The following ELAVL1 variants were observed in gnomAD, a reference collection of about 807,000 sequenced individuals.
ELAVL1 encodes the protein ELAV-like protein 1.
Under a neutral mutation model 28.4 loss-of-function variants are expected in ELAVL1, and 1 was observed. The observed-to-expected ratio is 0.04, with a 90% CI of 0.01 to 0.17. ELAVL1 has a LOEUF of 0.17. ELAVL1 is among the 10% of genes least tolerant of loss of function. The pLI, the probability that ELAVL1 is intolerant of heterozygous loss-of-function variation, is 1.00. For missense variants in ELAVL1, 157 were observed against 447.2 expected (o/e 0.35, Z 5.85); for synonymous variants, 174 against 183.5 (o/e 0.95, Z 0.42).
At chr19:8,002,163 C>G in intron 1 of ELAVL1, 1 of 1,273,342 alleles carries the variant, frequency 7.9e-7, no homozygotes, top group Non-Finnish European at 1.0e-6. Flanking sequence ...TTTGAACACA[C>G]GATGTTCTCT....
At chr19:7,994,065 T>G (rs1450298349) in intron 1 of ELAVL1, among the ~76,000 whole-genome samples, 1 of 151,950 alleles carries the variant, frequency 6.6e-6, no homozygotes, top group Non-Finnish European at 1.5e-5. Context: ...TAGGTTAGCA[T>G]CAAAAGCCAT....
At chr19:7,989,476 AGG>A (rs1272304327) in intron 2 of ELAVL1, among the ~76,000 whole-genome samples, 330 of 152,352 alleles carry the variant, frequency 2.2e-3, no homozygotes, top group Non-Finnish European at 4.0e-3. Context: ...AGCCAAATCT[AGG>A]TGTTCCTTTA....
At position 8,005,616 on chromosome 19, in the gene ELAVL1, G is replaced by A. The variant is rs1001509498; in HGVS notation, c.-138C>T. On this transcript the variant is annotated 5_prime_UTR_variant, in exon 1 of 6. Coordinates refer to ENST00000407627, the MANE Select transcript of ELAVL1 (RefSeq NM_001419.3). ...CGGCGGTGGCGGCGACGGCGACGGCGGCAGCGGCTCCTCCTCAGCGCGCAC... is the reference window on the plus strand; with the variant it reads ...CGGCGGTGGCGGCGACGGCGACGGCAGCAGCGGCTCCTCCTCAGCGCGCAC... 6 of 149,450 alleles carry A rather than the reference G, an allele frequency of 4.0e-5. No individual in the cohort carries two copies. Among genetic ancestry groups the A allele is most frequent in the South Asian group, 1.8e-4 (1 of 5,644 alleles). The allele number at this position is 149,450 out of a possible 1,614,324, so 9.3% of individuals were successfully genotyped here.
At chr19:7,983,667 G>A (rs1169898229) in intron 2 of ELAVL1, among the ~76,000 whole-genome samples, 1 of 152,170 alleles carries the variant, frequency 6.6e-6, no homozygotes, top group Admixed American at 6.5e-5. Flanking sequence ...TGGCTGCGGC[G>A]CCTCAGGCAG....
chr19:7,971,768 G>A (rs567566577), intron 4 of ELAVL1, among the ~76,000 whole-genome samples: 61 of 152,322 alleles, frequency 4.0e-4, no homozygotes, highest in African/African-American at 1.4e-3. Context: ...TCCCCTCCTC[G>A]GGCCCCAGCG....
At chr19:7,974,106 T>C (rs1425684600) in intron 3 of ELAVL1, among the ~76,000 whole-genome samples, 2 of 152,200 alleles carry the variant, frequency 1.3e-5, no homozygotes, top group Non-Finnish European at 2.9e-5. Flanking sequence ...GTGCTCACCA[T>C]CCTCAAGGAG....
chr19:7,980,801 G>C (rs1276579306), intron 3 of ELAVL1, among the ~76,000 whole-genome samples: 1 of 152,174 alleles, frequency 6.6e-6, no homozygotes, highest in African/African-American at 2.4e-5. Context: ...GCTGGGGGTG[G>C]ATGGAGCTGT....
rs1007905547 is a variant in ELAVL1 at position 7,968,106 on chromosome 19, C to T, written c.431-316G>A. On this transcript the variant is annotated intron_variant, in intron 4 of 5. Coordinates refer to ENST00000407627, the MANE Select transcript of ELAVL1 (RefSeq NM_001419.3). ...TTTGGAAGAAAGCAACATTAGGAAA[C>T]AGCACATCCACCGTCACTATTTAGC... 1.3e-4 allele frequency among the ~76,000 whole-genome samples: 20 copies of T among 152,366 alleles called. 1 individual carries two copies. The South Asian group carries it at 3.9e-3, about 30-fold the overall frequency.
intron 2 of ELAVL1, among the ~76,000 whole-genome samples, chr19:7,983,292 C>T (rs1398790350): frequency 6.6e-6 from 1 of 152,174 alleles, no homozygotes; most frequent in African/African-American, 2.4e-5. Flanking sequence ...GAATTGGGAT[C>T]GCAGCTTGGA....
chr19:7,966,219 C>G (rs1984952921), intron 5 of ELAVL1, among the ~76,000 whole-genome samples: 1 of 152,138 alleles, frequency 6.6e-6, no homozygotes, highest in Non-Finnish European at 1.5e-5. Context: ...CTATCCTTGT[C>G]ATACCTGAGA....
At chr19:7,996,997 A>G (rs1246189107) in intron 1 of ELAVL1, among the ~76,000 whole-genome samples, 2 of 152,236 alleles carry the variant, frequency 1.3e-5, no homozygotes, top group Non-Finnish European at 2.9e-5. Context: ...TGGCTAAAGC[A>G]AAATAAAACA....
At position 7,964,832 on chromosome 19, in the gene ELAVL1, G is replaced by C. The variant is rs112605931; in HGVS notation, c.657-1025C>G. 1.8e-3 allele frequency among the ~76,000 whole-genome samples: 280 copies of C among 152,294 alleles called. 1 individual carries two copies. The highest frequency in any genetic ancestry group is 6.4e-3 in the African/African-American group (268 of 41,562). ...AACTTTCTCACATTAAAAAAGTAAA[G>C]GTCTGAGGGTCAGTTTGGGAATATC... On this transcript the variant is annotated intron_variant, in intron 5 of 5. Coordinates refer to ENST00000407627, the MANE Select transcript of ELAVL1 (RefSeq NM_001419.3).
At chr19:7,976,495 T>G (rs1229813698) in intron 3 of ELAVL1, among the ~76,000 whole-genome samples, 2 of 152,130 alleles carry the variant, frequency 1.3e-5, no homozygotes, top group African/African-American at 4.8e-5. Context: ...GAAGTCTGTG[T>G]GAAGATGGAG....
intron 2 of ELAVL1, among the ~76,000 whole-genome samples, chr19:7,989,872 G>A (rs925499845): frequency 4.6e-5 from 7 of 152,170 alleles, no homozygotes; most frequent in African/African-American, 1.7e-4. Context: ...CCTGTAGAGC[G>A]GCCAGACAGG....
At chr19:7,965,794 C>T (rs1321651538) in intron 5 of ELAVL1, among the ~76,000 whole-genome samples, 1 of 152,204 alleles carries the variant, frequency 6.6e-6, no homozygotes, top group African/African-American at 2.4e-5. Flanking sequence ...AACCCCACCG[C>T]CCATATAGCC....
chr19:7,981,269 T>C lies in ELAVL1; in HGVS notation c.173-83A>G. The C allele has an allele frequency of 7.4e-7, 1 of 1,359,140 alleles. No homozygotes were observed. The allele number at this position is 1,359,140 out of a possible 1,614,324, so 84.2% of individuals were successfully genotyped here. Reference sequence around the variant, plus strand: ...GAGGTCGGGAAGCACTATATCTGCCTGGCCTTTGGGAAATGGGATTACAGG... The same window carrying C: ...GAGGTCGGGAAGCACTATATCTGCCCGGCCTTTGGGAAATGGGATTACAGG... On this transcript the variant is annotated intron_variant, in intron 2 of 5. Transcript: ENST00000407627. The surrounding 1 kb of genome is among the most constrained non-coding windows in gnomAD (Gnocchi z 4.2).
Position 7,963,762 on chromosome 19 carries a change from G to A in ELAVL1, c.702C>T (p.Val234=), listed in dbSNP as rs549438204. Reference sequence around the variant, plus strand: ...CGGAGGAGGCGTTTCCTGGCACGTTGACGCCAGAGAGCCCGCTCATGTGAT... The same window carrying A: ...CGGAGGAGGCGTTTCCTGGCACGTTAACGCCAGAGAGCCCGCTCATGTGAT... ...GVDHMSGLSG[V]NVPGNASSGW... The change falls in exon 6 of 6, where the codon GTC becomes GTT. Residue 234 remains valine (V), a synonymous_variant. Transcript: ENST00000407627. This position sits in a 1 kb window ranked among gnomAD's most constrained non-coding sequence, Gnocchi z 4.5. The A allele has an allele frequency of 6.2e-7, 1 of 1,614,242 alleles. No individual in the cohort carries two copies.
intron 1 of ELAVL1, among the ~76,000 whole-genome samples, chr19:7,998,471 C>G (rs946594880): frequency 6.6e-6 from 1 of 152,148 alleles, no homozygotes; most frequent in African/African-American, 2.4e-5. Flanking sequence ...GACAATGCAA[C>G]TGTCAAACTG....
intron 1 of ELAVL1, among the ~76,000 whole-genome samples, chr19:7,996,531 T>C (rs1159585502): frequency 6.7e-6 from 1 of 150,216 alleles, no homozygotes; most frequent in Non-Finnish European, 1.5e-5. Context: ...AGCAGGCTAG[T>C]GTGCTGGCTC....
Sources: allele counts gnomAD v4.1 joint callset (sites outside exome capture counted in the v4.1 genomes callset), GRCh38; gene constraint gnomAD v4.1.1; non-coding constraint Gnocchi (gnomAD v3.1); transcripts MANE v1.5; gene names NCBI Gene and HGNC (gene_info 2026-07-23, HGNC 2026-07-21).